TNRC6C: variants seen among roughly 807,000 people sequenced by gnomAD.
The protein encoded by TNRC6C is trinucleotide repeat-containing gene 6C protein.
A neutral mutation model predicts 153.7 loss-of-function variants in TNRC6C; 20 were observed. The observed-to-expected ratio is 0.13, with a 90% CI of 0.09 to 0.19. TNRC6C has a LOEUF of 0.19. Ranked by LOEUF, TNRC6C falls within the 10% of genes least tolerant of loss-of-function variation. The pLI, the probability that TNRC6C is intolerant of heterozygous loss-of-function variation, is 1.00. For missense variants in TNRC6C, 1,987 were observed against 2,172.0 expected (o/e 0.91, Z 1.69); for synonymous variants, 811 against 841.4 (o/e 0.96, Z 0.63).
At chr17:78,010,527 A>C (rs918293924) in intron 1 of TNRC6C, among the ~76,000 whole-genome samples, 1 of 152,182 alleles carries the variant, frequency 6.6e-6, no homozygotes, top group African/African-American at 2.4e-5. Flanking sequence ...TTTTTCTACA[A>C]CCACATAATG....
At chr17:78,058,591 A>G (rs1449260567) in intron 3 of TNRC6C, among the ~76,000 whole-genome samples, 1 of 152,268 alleles carries the variant, frequency 6.6e-6, no homozygotes, top group Non-Finnish European at 1.5e-5. Context: ...GCAGTGGGGT[A>G]GTGACATCTT....
chr17:78,077,580 C>T lies in TNRC6C; in HGVS notation c.3210+246C>T, dbSNP rs2073106487. On this transcript the variant is annotated intron_variant, in intron 9 of 19. Coordinates refer to ENST00000301624, the Ensembl canonical transcript of TNRC6C. ...AAAACGTGTTTGAGCTCTCAGCACCCTTGGTGCTAACTTGGGACTGGCTAA... is the reference window on the plus strand; with the variant it reads ...AAAACGTGTTTGAGCTCTCAGCACCTTTGGTGCTAACTTGGGACTGGCTAA... 24 of 551,024 alleles carry T rather than the reference C, an allele frequency of 4.4e-5. 1 individual carries two copies. The South Asian group carries it at 4.7e-4, about 11-fold the overall frequency. The allele number at this position is 551,024 out of a possible 1,614,324, so 34.1% of individuals were successfully genotyped here. A position where few individuals can be genotyped will look rare whatever the true frequency, so the allele number is the denominator to read the frequency against.
At chr17:78,036,485 ATAAAAT>A (rs2072180520) in intron 2 of TNRC6C, among the ~76,000 whole-genome samples, 1 of 152,242 alleles carries the variant, frequency 6.6e-6, no homozygotes, top group Non-Finnish European at 1.5e-5. Flanking sequence ...GGATTTACAG[ATAAAAT>A]TAAACAATAG....
chr17:78,067,638 TA>T, intron 4 of TNRC6C, 118 bp from the exon 7 acceptor site: 1 of 1,104,454 alleles, frequency 9.1e-7, no homozygotes, highest in Non-Finnish European at 1.3e-6. Flanking sequence ...AATGAAGGCA[TA>T]AAAAGGTAGA....
At chr17:78,064,215 C>G (rs186446014) in intron 3 of TNRC6C, among the ~76,000 whole-genome samples, 1 of 152,050 alleles carries the variant, frequency 6.6e-6, no homozygotes, top group South Asian at 2.1e-4. Flanking sequence ...CCTGCCTCAG[C>G]CTCCCCAATA....
chr17:78,091,861 C>T (rs1375230958), intron 14 of TNRC6C, among the ~76,000 whole-genome samples: 1 of 152,192 alleles, frequency 6.6e-6, no homozygotes, highest in East Asian at 1.9e-4. Flanking sequence ...GAATCTAGGT[C>T]ATAGCCTGTG....
At chr17:78,098,510 C>G (rs759799109) in exon 17 of TNRC6C, 4 of 1,613,532 alleles carry the variant, frequency 2.5e-6, no homozygotes, top group Non-Finnish European at 3.4e-6. Context: ...TGCCAGCCCC[C>G]TCGGCTGGAC....
chr17:78,010,558 C>T (rs1438571643), intron 1 of TNRC6C, among the ~76,000 whole-genome samples: 1 of 152,060 alleles, frequency 6.6e-6, no homozygotes, highest in Non-Finnish European at 1.5e-5. Flanking sequence ...CATGAGTATT[C>T]TGTATTTGTT....
chr17:77,961,941 C>G (rs1036770888), intron 1 of TNRC6C, among the ~76,000 whole-genome samples: 1 of 152,192 alleles, frequency 6.6e-6, no homozygotes, highest in Non-Finnish European at 1.5e-5. Context: ...CTTCCAAAAC[C>G]AAGCCAGAGG....
In TNRC6C at chr17:78,096,607, C is replaced by T. The variant is rs527823747; in HGVS notation, c.4307-1736C>T. On this transcript the variant is annotated intron_variant, in intron 16 of 19. Coordinates refer to ENST00000301624, the Ensembl canonical transcript of TNRC6C. ...ATTCACTGCACAACGCCATGTGGGC[C>T]TACGGCTGAGATGCCATGGCTTTTC... 3.3e-5 allele frequency among the ~76,000 whole-genome samples: 5 copies of T among 152,326 alleles called. No individual in the cohort carries two copies. In the East Asian group the frequency reaches 9.6e-4, roughly 29 times the overall value.
intron 18 of TNRC6C, 113 bp downstream of exon 21, chr17:78,102,657 G>C: frequency 9.1e-7 from 1 of 1,094,136 alleles, no homozygotes; most frequent in Non-Finnish European, 1.3e-6. Flanking sequence ...TTCTTGGTCA[G>C]GGTCCATAAG....
At chr17:78,051,220 C>T (rs1263545595) in exon 3 of TNRC6C, 4 of 1,565,256 alleles carry the variant, frequency 2.6e-6, no homozygotes, top group Admixed American at 1.9e-5. Context: ...GTCCATTCGC[C>T]GCAAAATGGA....
intron 15 of TNRC6C, chr17:78,093,417 G>T (rs2073427678): frequency 4.1e-6 from 3 of 728,028 alleles, no homozygotes; most frequent in African/African-American, 1.8e-5. Flanking sequence ...GTGAAAACTA[G>T]CTTAATATGA....
rs114758205 is a variant in TNRC6C, at chr17:77,985,124, G to A, written c.-37-19046G>A. Among the ~76,000 whole-genome samples, 1,226 of 152,174 alleles carry A rather than the reference G, an allele frequency of 8.1e-3. 19 individuals carry two copies. The highest frequency in any genetic ancestry group is 0.027 in the African/African-American group (1,135 of 41,514). ...AGGTGTATTCATTTTCTGTTTTTGC[G>A]TAACAAATTACCACAAACTTAAGAG... On this transcript the variant is annotated intron_variant, in intron 1 of 22. Coordinates refer to the TNRC6C transcript ENST00000636222.
At chr17:78,057,560 C>G (rs1278475485) in intron 3 of TNRC6C, among the ~76,000 whole-genome samples, 2 of 152,220 alleles carry the variant, frequency 1.3e-5, no homozygotes, top group East Asian at 3.8e-4. Context: ...CCTGCTGGGC[C>G]GTGCTGCCCA....
intron 1 of TNRC6C, among the ~76,000 whole-genome samples, chr17:77,961,765 T>A (rs913613800): frequency 1.3e-5 from 2 of 152,210 alleles, no homozygotes; most frequent in African/African-American, 4.8e-5. Context: ...TAGAGTGGAA[T>A]GAACTGTTTC....
chr17:78,001,829 A>G (rs1423612008), upstream of TNRC6C, among the ~76,000 whole-genome samples: 1 of 152,150 alleles, frequency 6.6e-6, no homozygotes, highest in African/African-American at 2.4e-5. Context: ...GAAAGTAGAT[A>G]AGGGATGCCA....
At position 78,014,428 on chromosome 17, in the gene TNRC6C, C is replaced by G. The variant is rs553122740; in HGVS notation, c.-546+9349C>G. ...ACTCAGCTTTAACATATGCTCTTAGCGGCATTTTCTAAATTGATCTTCTAA... is the reference window on the plus strand; with the variant it reads ...ACTCAGCTTTAACATATGCTCTTAGGGGCATTTTCTAAATTGATCTTCTAA... On this transcript the variant is annotated intron_variant, in intron 1 of 19. Transcript: ENST00000301624. 5.3e-5 allele frequency among the ~76,000 whole-genome samples: 8 copies of G among 152,046 alleles called. No homozygotes were observed. In the East Asian group the frequency reaches 1.2e-3, roughly 22 times the overall value.
chr17:78,052,163 C>A (rs1240168802), intron 3 of TNRC6C, among the ~76,000 whole-genome samples: 1 of 152,144 alleles, frequency 6.6e-6, no homozygotes, highest in South Asian at 2.1e-4. Flanking sequence ...GGCCAGAGGG[C>A]CAAGGCCACC....
Sources: allele counts gnomAD v4.1 joint callset (sites outside exome capture counted in the v4.1 genomes callset), GRCh38; gene constraint gnomAD v4.1.1; transcripts MANE v1.5; gene names NCBI Gene and HGNC (gene_info 2026-07-23, HGNC 2026-07-21).